Variants in HTR7 observed in about 807,000 individuals in gnomAD.
HTR7 encodes the protein 5-HT-7.
A neutral mutation model predicts 34.0 loss-of-function variants in HTR7; 16 were observed. The observed-to-expected ratio is 0.47, with a 90% CI of 0.32 to 0.71. The LOEUF (loss-of-function observed/expected upper bound fraction) is 0.71, where lower values mean the gene tolerates loss of function less well. HTR7 is among the 30% of genes least tolerant of loss of function. The probability of loss-of-function intolerance (pLI) is 0.04; values close to 1 mark genes in which losing one functional copy is unlikely to be tolerated. For synonymous variants in HTR7, 265 were observed against 260.2 expected (o/e 1.02, Z -0.18); for missense variants, 504 against 625.5 (o/e 0.81, Z 2.07).
intron 2 of HTR7, among the ~76,000 whole-genome samples, chr10:90,745,147 C>T (rs1844613972): frequency 1.3e-5 from 2 of 152,274 alleles, no homozygotes; most frequent in Non-Finnish European, 2.9e-5. Context: ...ATGTCTTAGC[C>T]TAGCCAGGCT....
At chr10:90,810,051 C>G (rs1845779483) in intron 1 of HTR7, among the ~76,000 whole-genome samples, 1 of 152,180 alleles carries the variant, frequency 6.6e-6, no homozygotes, top group Non-Finnish European at 1.5e-5. Flanking sequence ...GTTTCCCTTG[C>G]CTCCATAACT....
chr10:90,754,847 GGTTT>G (rs1340471826), intron 1 of HTR7, among the ~76,000 whole-genome samples: 2 of 152,270 alleles, frequency 1.3e-5, no homozygotes, highest in East Asian at 3.9e-4. Context: ...GAAATATGGT[GGTTT>G]TTTAGAGCGT....
intron 1 of HTR7, among the ~76,000 whole-genome samples, chr10:90,809,372 A>G (rs1222547851): frequency 6.6e-6 from 1 of 152,182 alleles, no homozygotes; most frequent in Non-Finnish European, 1.5e-5. Context: ...AGCCCAGTTC[A>G]TGACTCGTTT....
chr10:90,749,025 A>G lies in HTR7; in HGVS notation c.1109T>C (p.Leu370Pro). The change falls in exon 2 of 4, where the codon CTG (leucine) becomes CCG (proline). Residue 370 changes from leucine (L) to proline (P), a missense_variant. Physicochemically the swap from Leu to Pro is moderately conservative, Grantham distance 98. This residue lies in a region of HTR7 where 154 missense variants were observed against 212.1 expected (regional missense o/e 0.73). Transcript: ENST00000336152. This position sits in a 1 kb window ranked among gnomAD's most constrained non-coding sequence, Gnocchi z 4.2. Reference protein sequence around the residue: ...CIPLWVERTFLWLGYANSLIN... With the variant: ...CIPLWVERTFPWLGYANSLIN... ...GAGAGAGTTTGCATAGCCTAGCCAC[A>G]GAAATGTCCTCTCCACCCACAGTGG... 6.2e-7 allele frequency: 1 copy of G among 1,614,130 alleles called. No individual in the cohort carries two copies. Among genetic ancestry groups the G allele is most frequent in the Non-Finnish European group, 8.5e-7 (1 of 1,180,008 alleles).
intron 1 of HTR7, among the ~76,000 whole-genome samples, chr10:90,796,623 G>C (rs1845543774): frequency 6.6e-6 from 1 of 152,090 alleles, no homozygotes; most frequent in East Asian, 1.9e-4. Flanking sequence ...AATGTGGAAG[G>C]ATCACTTGAG....
At chr10:90,807,326 CCT>C (rs762927577) in intron 1 of HTR7, among the ~76,000 whole-genome samples, 3 of 152,162 alleles carry the variant, frequency 2.0e-5, no homozygotes, top group South Asian at 2.1e-4. Context: ...CATCGCATCC[CCT>C]GTCACTTGCA....
At chr10:90,848,800 TAGCA>T (rs999432221) in intron 1 of HTR7, among the ~76,000 whole-genome samples, 3 of 152,224 alleles carry the variant, frequency 2.0e-5, no homozygotes, top group Admixed American at 1.3e-4. Context: ...CATTGCTGTA[TAGCA>T]ATACTTCTCT....
Position 90,857,694 on chromosome 10 carries a change from C to G in HTR7, c.-23G>C. ...CATCGCGCCGCCGTGTGCCGCTGCCCATGGAGCCGGCGCCCCGGCCACGCG... is the reference window on the plus strand; with the variant it reads ...CATCGCGCCGCCGTGTGCCGCTGCCGATGGAGCCGGCGCCCCGGCCACGCG... On this transcript the variant is annotated 5_prime_UTR_variant, in exon 1 of 4. An upstream start codon of the reference 5' UTR is lost. Transcript: ENST00000336152. The surrounding 1 kb of genome is among the most constrained non-coding windows in gnomAD (Gnocchi z 6.5). 2.7e-6 allele frequency: 4 copies of G among 1,486,794 alleles called. No individual in the cohort carries two copies. Among genetic ancestry groups the G allele is most frequent in the South Asian group, 1.3e-5 (1 of 75,158 alleles). 92.1% of individuals were successfully genotyped at this position (1,486,794 alleles called of 1,614,324 possible).
rs1490458698 is a variant in HTR7 at position 90,857,621 on chromosome 10, G to A, written c.51C>T (p.Arg17=). 3.8e-6 allele frequency: 6 copies of A among 1,599,172 alleles called. No individual in the cohort carries two copies. Among genetic ancestry groups the A allele is most frequent in the Non-Finnish European group, 5.1e-6 (6 of 1,175,534 alleles). The change falls in exon 1 of 4, where the codon CGC becomes CGT. Residue 17 remains arginine (R), a synonymous_variant. Coordinates refer to ENST00000336152, the MANE Select transcript of HTR7 (RefSeq NM_019859.4). This position sits in a 1 kb window ranked among gnomAD's most constrained non-coding sequence, Gnocchi z 6.5. ...SGRPDLYGHL[R]SFLLPEVGRG... Reference sequence around the variant, plus strand: ...GCCCCACTTCTGGCAGAAGGAAAGAGCGGAGGTGCCCGTAGAGGTCCGGGC... The same window carrying A: ...GCCCCACTTCTGGCAGAAGGAAAGAACGGAGGTGCCCGTAGAGGTCCGGGC...
chr10:90,779,969 G>C (rs1845280217), intron 1 of HTR7, among the ~76,000 whole-genome samples: 1 of 152,108 alleles, frequency 6.6e-6, no homozygotes, highest in Non-Finnish European at 1.5e-5. Flanking sequence ...TCACCCTCCA[G>C]CCCTGCATGC....
chr10:90,753,126 G>A (rs546697447), intron 1 of HTR7, among the ~76,000 whole-genome samples: 1 of 152,122 alleles, frequency 6.6e-6, no homozygotes, highest in South Asian at 2.1e-4. Flanking sequence ...TTTCCTACAG[G>A]TCAATACAAA....
chr10:90,792,432 G>C (rs1641411705), intron 1 of HTR7, among the ~76,000 whole-genome samples: 1 of 151,560 alleles, frequency 6.6e-6, no homozygotes, highest in African/African-American at 2.4e-5. Flanking sequence ...CATAATTCTT[G>C]ATTTATAGCA....
At chr10:90,826,529 A>AC (rs1846076922) in intron 1 of HTR7, among the ~76,000 whole-genome samples, 1 of 87,516 alleles carries the variant, frequency 1.1e-5, no homozygotes, top group Admixed American at 9.4e-5. Context: ...GATAAAAATA[A>AC]TAATTTTAAG....
chr10:90,803,481 T>C (rs1392719906), intron 1 of HTR7, among the ~76,000 whole-genome samples: 1 of 152,168 alleles, frequency 6.6e-6, no homozygotes, highest in Non-Finnish European at 1.5e-5. Context: ...TAAACTCCAC[T>C]ATTTGCCATT....
intron 1 of HTR7, among the ~76,000 whole-genome samples, chr10:90,838,761 ATCT>A (rs1305273318): frequency 1.3e-5 from 2 of 152,086 alleles, no homozygotes; most frequent in Non-Finnish European, 2.9e-5. Context: ...CTTTTTCCTG[ATCT>A]TCACACAGCT....
chr10:90,772,364 T>C (rs1841132027), intron 1 of HTR7, among the ~76,000 whole-genome samples: 1 of 152,182 alleles, frequency 6.6e-6, no homozygotes, highest in Non-Finnish European at 1.5e-5. Context: ...GTCTAATAAT[T>C]TCAATGTCTT....
At chr10:90,846,585 C>G (rs1168138392) in intron 1 of HTR7, among the ~76,000 whole-genome samples, 2 of 152,104 alleles carry the variant, frequency 1.3e-5, no homozygotes, top group Non-Finnish European at 2.9e-5. Flanking sequence ...ACTAAGTGGC[C>G]AGAGCTCTAG....
chr10:90,743,837 T>A, intron 2 of HTR7, 147 bp from the exon 3 acceptor site: 1 of 742,874 alleles, frequency 1.3e-6, no homozygotes. Flanking sequence ...TTGATAGCAG[T>A]AAATTAAAAT....
chr10:90,800,234 G>A (rs1243414131), intron 1 of HTR7, among the ~76,000 whole-genome samples: 1 of 152,108 alleles, frequency 6.6e-6, no homozygotes, highest in East Asian at 1.9e-4. Flanking sequence ...CAAAAGTTTG[G>A]CCGTTTTCTT....
Sources: allele counts gnomAD v4.1 joint callset (sites outside exome capture counted in the v4.1 genomes callset), GRCh38; gene constraint gnomAD v4.1.1; regional missense constraint gnomAD v4.1.1; non-coding constraint Gnocchi (gnomAD v3.1); transcripts MANE v1.5; gene names NCBI Gene and HGNC (gene_info 2026-07-23, HGNC 2026-07-21).